The following METTL17 variants were observed in gnomAD, a reference collection of about 807,000 sequenced individuals.
METTL17 encodes the protein ribosome assembly protein METTL17, mitochondrial.
Under a neutral mutation model 59.4 loss-of-function variants are expected in METTL17, and 49 were observed. The observed-to-expected ratio is 0.82, with a 90% CI of 0.66 to 1.05. The LOEUF is 1.05. METTL17 is among the 50% of genes least tolerant of loss of function. The probability of loss-of-function intolerance (pLI) is 0.00; values close to 1 mark genes in which losing one functional copy is unlikely to be tolerated. For missense variants in METTL17, 555 were observed against 578.4 expected (o/e 0.96, Z 0.41); for synonymous variants, 208 against 209.2 (o/e 0.99, Z 0.05).
chr14:20,993,633 C>G lies in METTL17; in HGVS notation c.603-336C>G, dbSNP rs565254082. 34 of 218,244 alleles carry G rather than the reference C, an allele frequency of 1.6e-4. 1 individual carries two copies. The South Asian group carries it at 2.1e-3, about 13-fold the overall frequency. The allele number at this position is 218,244 out of a possible 1,614,324, so 13.5% of individuals were successfully genotyped here. A position where few individuals can be genotyped will look rare whatever the true frequency, so the allele number is the denominator to read the frequency against. ...GGGACTACAGGTGCACGCCACCACACCCAGCTAATTTTTGTATTTTTAGTA... is the reference window on the plus strand; with the variant it reads ...GGGACTACAGGTGCACGCCACCACAGCCAGCTAATTTTTGTATTTTTAGTA... On this transcript the variant is annotated intron_variant, in intron 6 of 13. Coordinates refer to ENST00000339374, the MANE Select transcript of METTL17 (RefSeq NM_022734.3).
At position 20,990,599 on chromosome 14, in the gene METTL17, G is replaced by A; in HGVS notation, c.364+1G>A. On this transcript the variant is annotated splice_donor_variant, in intron 3 of 13. Coordinates refer to ENST00000339374, the MANE Select transcript of METTL17 (RefSeq NM_022734.3). LOFTEE classifies it high-confidence loss of function. ...GAGAAAAAATTCCTGGAAAACCCAG[G>A]TAGGACTTAAGAATAATTAAAAAGT... 1 of 1,614,094 alleles carries A rather than the reference G, an allele frequency of 6.2e-7. No individual in the cohort carries two copies. The highest frequency in any genetic ancestry group is 8.5e-7 in the Non-Finnish European group (1 of 1,180,006).
chr14:20,996,111 C>G, intron 11 of METTL17, 98 bp from the exon 12 acceptor site: 4 of 1,292,098 alleles, frequency 3.1e-6, no homozygotes, highest in South Asian at 1.2e-5. Context: ...CTCCTGTCCT[C>G]CCTTCTCCCT....
chr14:20,994,096 G>A (rs904534452), intron 7 of METTL17, 33 bp downstream of exon 7: 2 of 1,531,424 alleles, frequency 1.3e-6, no homozygotes, highest in East Asian at 2.3e-5. Context: ...AGTTGAGGGA[G>A]TTAAGAAAGC....
chr14:20,993,933 G>A, intron 6 of METTL17, 36 bp from the exon 7 acceptor site: 1 of 1,535,404 alleles, frequency 6.5e-7, no homozygotes, highest in South Asian at 1.1e-5. Flanking sequence ...TCTTGGTCAT[G>A]GGAATTGGTG....
chr14:20,992,084 C>G (rs567670513), intron 3 of METTL17, 40 bp from the exon 4 acceptor site: 6 of 1,592,700 alleles, frequency 3.8e-6, no homozygotes, highest in Non-Finnish European at 5.2e-6. Context: ...GAGCCCTGTT[C>G]TCCCTAGGTC....
intron 8 of METTL17, 37 bp from the exon 9 acceptor site, chr14:20,994,757 A>T (rs1880259183): frequency 6.4e-7 from 1 of 1,561,948 alleles, no homozygotes; most frequent in Admixed American, 1.7e-5. Flanking sequence ...GGATGTAGAG[A>T]TGTTGAGTCT....
Position 20,990,078 on chromosome 14 carries a change from G to A in METTL17, c.75+1G>A, listed in dbSNP as rs1254739851. ...CCTTGGAGTGGCTCCCCAGGCCCGG[G>A]TGAGTGCCTACATTCCCTGCTGTCG... On this transcript the variant is annotated splice_donor_variant, in intron 1 of 13. Transcript: ENST00000339374. LOFTEE classifies it high-confidence loss of function. 1.2e-6 allele frequency: 2 copies of A among 1,613,070 alleles called. No individual in the cohort carries two copies. Among genetic ancestry groups the A allele is most frequent in the East Asian group, 2.2e-5 (1 of 44,864 alleles).
rs1880384167 is a variant in METTL17 at position 20,996,522 on chromosome 14, C to G, written c.1081-5C>G. 4 of 1,607,978 alleles carry G rather than the reference C, an allele frequency of 2.5e-6. No homozygotes were observed. Among genetic ancestry groups the G allele is most frequent in the South Asian group, 2.2e-5 (2 of 90,698 alleles). ...TCTAAACAGTCTCTATGTTCCTTAT[C>G]TTAGAACAAGAAACCAAAGGAAGAA... On this transcript the variant is annotated splice_region_variant and splice_polypyrimidine_tract_variant and intron_variant, in intron 12 of 13. Transcript: ENST00000339374.
chr14:20,994,448 T>C, intron 7 of METTL17, 95 bp from the exon 8 acceptor site: 1 of 1,053,776 alleles, frequency 9.5e-7, no homozygotes, highest in Admixed American at 1.8e-5. Flanking sequence ...ATATACACTT[T>C]ACCTATTCTT....
At chr14:20,993,746 T>G in intron 6 of METTL17, 2 of 333,102 alleles carry the variant, frequency 6.0e-6, no homozygotes, top group South Asian at 9.5e-5. Context: ...GTGCTGGGAT[T>G]ACAAGCATGA....
At chr14:20,994,983 T>C in intron 9 of METTL17, 82 bp downstream of exon 9, 1 of 1,260,498 alleles carries the variant, frequency 7.9e-7, no homozygotes, top group Non-Finnish European at 1.1e-6. Flanking sequence ...TTGTCTTTAT[T>C]CTTCACCATT....
At chr14:20,995,986 T>C in intron 11 of METTL17, 35 bp downstream of exon 11, 1 of 1,611,770 alleles carries the variant, frequency 6.2e-7, no homozygotes, top group South Asian at 1.1e-5. Flanking sequence ...ACCACACGGA[T>C]CTGAACTTAG....
At chr14:20,993,581 T>C in intron 6 of METTL17, 1 of 225,646 alleles carries the variant, frequency 4.4e-6, no homozygotes, top group South Asian at 7.6e-5. Flanking sequence ...TTCAAGTGAT[T>C]CTCCTGCCTC....
At chr14:20,994,298 T>C (rs1171705734) in intron 7 of METTL17, among the ~76,000 whole-genome samples, 1 of 150,268 alleles carries the variant, frequency 6.7e-6, no homozygotes, top group Non-Finnish European at 1.5e-5. Flanking sequence ...TTTTTTTTTT[T>C]TAATTAGAGG....
chr14:20,996,250 C>T lies in METTL17; in HGVS notation c.1038C>T (p.Ala346=). 6.2e-7 allele frequency: 1 copy of T among 1,614,186 alleles called. No individual in the cohort carries two copies. The highest frequency in any genetic ancestry group is 8.5e-7 in the Non-Finnish European group (1 of 1,180,042). ...CTTGTCCCCAGTTGACCAACCTGGCCTGTAGCTTCTCACAGGCGTACCATC... is the reference window on the plus strand; with the variant it reads ...CTTGTCCCCAGTTGACCAACCTGGCTTGTAGCTTCTCACAGGCGTACCATC... ...ELPCPQLTNL[A]CSFSQAYHPI... Residue 346 remains alanine (A), a synonymous_variant, in exon 12 of 14, where the codon GCC becomes GCT. Transcript: ENST00000339374.
Position 20,993,660 on chromosome 14 carries a change from A to G in METTL17, c.603-309A>G, listed in dbSNP as rs186843533. 2.7e-4 allele frequency: 61 copies of G among 221,928 alleles called. 2 individuals carry two copies. The East Asian group carries it at 7.2e-3, about 26-fold the overall frequency. 13.7% of individuals were successfully genotyped at this position (221,928 alleles called of 1,614,324 possible). ...CAGCTAATTTTTGTATTTTTAGTAG[A>G]GACGGGGTTTCACCATATTGGCCAG... On this transcript the variant is annotated intron_variant, in intron 6 of 13. Coordinates refer to ENST00000339374, the MANE Select transcript of METTL17 (RefSeq NM_022734.3).
At chr14:20,990,819 T>TTTGG (rs1879991022) in intron 3 of METTL17, 2 of 589,504 alleles carry the variant, frequency 3.4e-6, no homozygotes, top group Non-Finnish European at 5.8e-6. Flanking sequence ...TTTTTGTTTG[T>TTTGG]TTGTTTGTTT....
At chr14:20,995,773 C>G in intron 10 of METTL17, 128 bp from the exon 11 acceptor site, 1 of 715,276 alleles carries the variant, frequency 1.4e-6, no homozygotes, top group Non-Finnish European at 2.4e-6. Flanking sequence ...CAGCTTAATT[C>G]AAAGGACATA....
intron 5 of METTL17, 128 bp from the exon 6 acceptor site, chr14:20,992,990 G>A: frequency 1.3e-6 from 1 of 779,452 alleles, no homozygotes; most frequent in Non-Finnish European, 2.3e-6. Context: ...ATCCCATAAG[G>A]TATTTGTATT....
Sources: gnomAD v4.1 joint callset for allele counts (sites outside exome capture counted in the v4.1 genomes callset) on GRCh38, gnomAD v4.1.1 for gene constraint, MANE v1.5 for transcripts, NCBI Gene and HGNC (gene_info 2026-07-23, HGNC 2026-07-21) for gene names.